The following GRID2 variants were observed in gnomAD, a reference collection of about 807,000 sequenced individuals.
The protein encoded by GRID2 is glutamate ionotropic receptor delta type subunit 2, also known as glutamate receptor ionotropic, delta-2.
A neutral mutation model predicts 114.8 loss-of-function variants in GRID2; 33 were observed. That is an observed-to-expected ratio of 0.29 (90% CI 0.22 to 0.38). GRID2 has a LOEUF of 0.38. Ranked by LOEUF, GRID2 falls within the 10% of genes least tolerant of loss-of-function variation. The pLI is 1.00. For missense variants in GRID2, 1,184 were observed against 1,257.7 expected, an observed-to-expected ratio of 0.94 and a Z score of 0.89; for synonymous variants, 505 against 449.9, an observed-to-expected ratio of 1.12 and a Z score of -1.55.
chr4:93,425,846 G>T (rs74386880), intron 10 of GRID2, among the ~76,000 whole-genome samples: 146 of 152,230 alleles, frequency 9.6e-4, no homozygotes, highest in Non-Finnish European at 1.6e-3. Context: ...ATAAAGGAGG[G>T]CTCTACCCCG....
chr4:93,234,855 AT>A (rs1275659492), intron 7 of GRID2, among the ~76,000 whole-genome samples: 3 of 152,040 alleles, frequency 2.0e-5, no homozygotes, highest in Non-Finnish European at 4.4e-5. Context: ...ATATTAACAG[AT>A]TATCCTTGGT....
chr4:93,296,480 C>T (rs532047114), intron 8 of GRID2, among the ~76,000 whole-genome samples: 1 of 152,118 alleles, frequency 6.6e-6, no homozygotes, highest in Non-Finnish European at 1.5e-5. Context: ...GGAAAGGTAC[C>T]TATTTCAGAA....
intron 2 of GRID2, among the ~76,000 whole-genome samples, chr4:93,051,879 G>T (rs1372809996): frequency 3.3e-5 from 5 of 150,608 alleles, no homozygotes; most frequent in Admixed American, 1.3e-4. Context: ...TGTTTGTCCA[G>T]TTTTTTTTTC....
intron 8 of GRID2, among the ~76,000 whole-genome samples, chr4:93,240,981 G>A (rs1747443514): frequency 6.6e-6 from 1 of 151,476 alleles, no homozygotes; most frequent in Non-Finnish European, 1.5e-5. Flanking sequence ...TGCTTGGCCT[G>A]AAAGTTTATA....
chr4:92,905,698 T>C (rs935146716), intron 2 of GRID2, among the ~76,000 whole-genome samples: 2 of 152,056 alleles, frequency 1.3e-5, no homozygotes, highest in Non-Finnish European at 2.9e-5. Flanking sequence ...GGCTAGAAGC[T>C]CCAATATTGG....
chr4:92,502,108 T>C (rs952040879), intron 1 of GRID2, among the ~76,000 whole-genome samples: 10 of 152,072 alleles, frequency 6.6e-5, no homozygotes, highest in African/African-American at 2.4e-4. Context: ...GTATTCCTTT[T>C]AAAAAAATAA....
chr4:93,157,960 A>C (rs1337337847), intron 4 of GRID2, among the ~76,000 whole-genome samples: 1 of 152,012 alleles, frequency 6.6e-6, no homozygotes, highest in East Asian at 1.9e-4. Context: ...TAAGACAGAA[A>C]TAACAGAGCG....
rs375459259 is a variant in GRID2 at position 92,972,829 on chromosome 4, C to A, written c.245-112166C>A. Among the ~76,000 whole-genome samples, 39 of 152,120 alleles carry A rather than the reference C, an allele frequency of 2.6e-4. No individual in the cohort carries two copies. The East Asian group carries it at 7.4e-3, about 29-fold the overall frequency. On this transcript the variant is annotated intron_variant, in intron 2 of 15. Coordinates refer to ENST00000282020, the MANE Select transcript of GRID2 (RefSeq NM_001510.4). ...GTGTTTATGTGTTCTCATCATTTAGCCCCCACTTATAAGTGATAACATGCA... is the reference window on the plus strand; with the variant it reads ...GTGTTTATGTGTTCTCATCATTTAGACCCCACTTATAAGTGATAACATGCA...
chr4:92,795,969 C>G (rs1203427288), intron 2 of GRID2, among the ~76,000 whole-genome samples: 2 of 151,928 alleles, frequency 1.3e-5, no homozygotes, highest in African/African-American at 4.8e-5. Flanking sequence ...TTGATTGGTT[C>G]TGTTGTAAAT....
At chr4:92,928,678 C>T (rs1750008390) in intron 2 of GRID2, among the ~76,000 whole-genome samples, 1 of 151,474 alleles carries the variant, frequency 6.6e-6, no homozygotes, top group African/African-American at 2.4e-5. Context: ...CGCTTTAGTA[C>T]ATAGGTAATT....
At chr4:93,064,108 T>C (rs550877723) in intron 2 of GRID2, among the ~76,000 whole-genome samples, 1 of 136,990 alleles carries the variant, frequency 7.3e-6, no homozygotes, top group South Asian at 2.3e-4. Context: ...GTAAAACTTA[T>C]AACATTAATT....
intron 1 of GRID2, among the ~76,000 whole-genome samples, chr4:92,359,784 T>G (rs1005132406): frequency 6.6e-6 from 1 of 151,954 alleles, no homozygotes; most frequent in African/African-American, 2.4e-5. Flanking sequence ...AGTTGCCAAC[T>G]CAATGAAAGG....
intron 2 of GRID2, among the ~76,000 whole-genome samples, chr4:93,018,224 A>G (rs1578764087): frequency 4.5e-5 from 1 of 22,198 alleles, no homozygotes; most frequent in Non-Finnish European, 6.9e-5. Context: ...ATTTTGTTGA[A>G]AAAAAAAAAA....
At chr4:92,712,240 A>G (rs1420309630) in intron 2 of GRID2, among the ~76,000 whole-genome samples, 3 of 152,148 alleles carry the variant, frequency 2.0e-5, no homozygotes, top group African/African-American at 4.8e-5. Context: ...TGTATTTACA[A>G]TCGGTTATTT....
chr4:93,113,972 C>A (rs1452408177), intron 4 of GRID2, among the ~76,000 whole-genome samples: 1 of 152,010 alleles, frequency 6.6e-6, no homozygotes, highest in Non-Finnish European at 1.5e-5. Flanking sequence ...CCTGTTGAGA[C>A]GTTTGGTGAC....
intron 1 of GRID2, among the ~76,000 whole-genome samples, chr4:92,431,568 T>G (rs1732452452): frequency 6.6e-6 from 1 of 150,766 alleles, no homozygotes; most frequent in African/African-American, 2.5e-5. Context: ...ATTTATTGTT[T>G]GACGTGTCTT....
chr4:93,238,220 T>A, intron 7 of GRID2, 151 bp from the exon 8 acceptor site: 2 of 510,370 alleles, frequency 3.9e-6, no homozygotes, highest in African/African-American at 1.9e-5. Flanking sequence ...GTTTATGCTG[T>A]GTACCTATTT....
At chr4:93,160,626 T>C (rs897023465) in intron 4 of GRID2, among the ~76,000 whole-genome samples, 1 of 151,780 alleles carries the variant, frequency 6.6e-6, no homozygotes, top group African/African-American at 2.4e-5. Flanking sequence ...GCAATCTCCT[T>C]AGGAAGATCC....
At chr4:92,574,403 G>T (rs1727782876) in intron 1 of GRID2, among the ~76,000 whole-genome samples, 1 of 137,984 alleles carries the variant, frequency 7.2e-6, no homozygotes, top group African/African-American at 2.7e-5. Flanking sequence ...TTACTGGTCT[G>T]TACTTTAGTA....
Sources: gnomAD v4.1 joint callset for allele counts (sites outside exome capture counted in the v4.1 genomes callset) on GRCh38, gnomAD v4.1.1 for gene constraint, MANE v1.5 for transcripts, NCBI Gene and HGNC (gene_info 2026-07-23, HGNC 2026-07-21) for gene names.